The following AGBL1 variants were observed in gnomAD, a reference collection of about 807,000 sequenced individuals.
AGBL1 encodes the protein cytosolic carboxypeptidase 4.
In AGBL1, 130 loss-of-function variants were observed where a neutral mutation model predicts 118.9. The observed-to-expected ratio is 1.09, with a 90% CI of 0.95 to 1.26. The LOEUF (loss-of-function observed/expected upper bound fraction) is 1.26. AGBL1 is among the 50% of genes most tolerant of loss of function. The pLI is 0.00. For missense variants in AGBL1, 1,584 were observed against 1,298.1 expected, an observed-to-expected ratio of 1.22 and a Z score of -3.38; for synonymous variants, 555 against 478.9, an observed-to-expected ratio of 1.16 and a Z score of -2.08.
At chr15:86,749,443 A>G (rs2077812931) in intron 22 of AGBL1, among the ~76,000 whole-genome samples, 1 of 152,106 alleles carries the variant, frequency 6.6e-6, no homozygotes. Context: ...ATATATAATC[A>G]TGTCATCTGC....
intron 22 of AGBL1, among the ~76,000 whole-genome samples, chr15:86,759,675 G>T (rs865839603): frequency 4.6e-5 from 7 of 152,026 alleles, no homozygotes; most frequent in Admixed American, 1.3e-4. Context: ...CATTCATTGA[G>T]AATCTGGATA....
At chr15:86,546,224 T>G (rs1163677291) in intron 20 of AGBL1, 91 bp downstream of exon 20, 4 of 1,286,108 alleles carry the variant, frequency 3.1e-6, no homozygotes, top group Non-Finnish European at 4.0e-6. Context: ...TTATTTAGTT[T>G]TTTTTTTTTT....
chr15:86,905,547 G>A (rs964168003), intron 22 of AGBL1, among the ~76,000 whole-genome samples: 2 of 152,158 alleles, frequency 1.3e-5, no homozygotes, highest in Admixed American at 1.3e-4. Context: ...CAACAGCACA[G>A]CAATGGAATT....
chr15:86,248,120 C>G (rs2078751510), intron 7 of AGBL1, among the ~76,000 whole-genome samples: 1 of 152,180 alleles, frequency 6.6e-6, no homozygotes, highest in Admixed American at 6.5e-5. Context: ...AGTTTGAGAT[C>G]AACCTGACCA....
intron 17 of AGBL1, among the ~76,000 whole-genome samples, chr15:86,345,347 C>T (rs1248972489): frequency 1.3e-5 from 2 of 152,098 alleles, no homozygotes; most frequent in African/African-American, 2.4e-5. Context: ...TTTGTGGCAC[C>T]AATAGTGCAT....
At chr15:86,900,384 A>T (rs2080194209) in intron 22 of AGBL1, among the ~76,000 whole-genome samples, 1 of 152,176 alleles carries the variant, frequency 6.6e-6, no homozygotes, top group Non-Finnish European at 1.5e-5. Flanking sequence ...GATTCCTCAG[A>T]GAGATTTTTG....
chr15:86,982,194 A>G (rs1054010930), intron 23 of AGBL1, among the ~76,000 whole-genome samples: 7 of 152,140 alleles, frequency 4.6e-5, no homozygotes, highest in Non-Finnish European at 8.8e-5. Flanking sequence ...ATTTAATCAT[A>G]TAGTTATATC....
At chr15:87,004,300 A>C (rs557963530) in intron 24 of AGBL1, among the ~76,000 whole-genome samples, 2 of 124,658 alleles carry the variant, frequency 1.6e-5, no homozygotes, top group African/African-American at 8.2e-5. Flanking sequence ...TTAGACTCCC[A>C]CACAATTATA....
At chr15:86,323,488 ATAAC>A (rs1240934505) in intron 17 of AGBL1, among the ~76,000 whole-genome samples, 1 of 152,182 alleles carries the variant, frequency 6.6e-6, no homozygotes, top group African/African-American at 2.4e-5. Flanking sequence ...GTCATGTTAA[ATAAC>A]TAAATATAAA....
intron 1 of AGBL1, among the ~76,000 whole-genome samples, chr15:86,117,436 C>T (rs1260102104): frequency 1.3e-5 from 2 of 152,066 alleles, no homozygotes. Context: ...CTGTAATTTC[C>T]AATTTTCCCT....
chr15:86,921,404 C>T (rs961484565), intron 23 of AGBL1, among the ~76,000 whole-genome samples: 2 of 152,150 alleles, frequency 1.3e-5, no homozygotes, highest in Non-Finnish European at 2.9e-5. Context: ...TCTGAAAAAA[C>T]AACTCAGGGA....
At chr15:86,735,748 G>C (rs2077586459) in intron 22 of AGBL1, among the ~76,000 whole-genome samples, 1 of 151,658 alleles carries the variant, frequency 6.6e-6, no homozygotes, top group African/African-American at 2.4e-5. Context: ...TTTTAAAAAT[G>C]AATAAAATTG....
rs2080927618 is a variant in AGBL1 at position 86,956,103 on chromosome 15, T to C, written c.3222-31884T>C. 3.9e-5 allele frequency among the ~76,000 whole-genome samples: 6 copies of C among 152,078 alleles called. No individual in the cohort carries two copies. In the South Asian group the frequency reaches 1.2e-3, roughly 31 times the overall value. On this transcript the variant is annotated intron_variant, in intron 23 of 24. Transcript: ENST00000441037. Reference sequence around the variant, plus strand: ...GTAGCAAGAAATTATAGACTATTAATGGGTCCATTAACTAGGAAAATATAT... The same window carrying C: ...GTAGCAAGAAATTATAGACTATTAACGGGTCCATTAACTAGGAAAATATAT...
intron 5 of AGBL1, among the ~76,000 whole-genome samples, chr15:86,203,719 C>G (rs2077944288): frequency 6.6e-6 from 1 of 152,168 alleles, no homozygotes; most frequent in Non-Finnish European, 1.5e-5. Context: ...TGACTGGTGA[C>G]TTCCCCTTGC....
chr15:86,667,970 T>G (rs2085676533), intron 21 of AGBL1, among the ~76,000 whole-genome samples: 1 of 152,198 alleles, frequency 6.6e-6, no homozygotes, highest in Non-Finnish European at 1.5e-5. Flanking sequence ...TGGTGAGGCC[T>G]CAGGGAGCTT....
intron 22 of AGBL1, among the ~76,000 whole-genome samples, chr15:86,875,865 C>T (rs1309207091): frequency 3.3e-5 from 5 of 152,122 alleles, no homozygotes. Context: ...GGCTGAGATA[C>T]CACCTCACCT....
intron 22 of AGBL1, among the ~76,000 whole-genome samples, chr15:86,800,103 C>T (rs2078629304): frequency 6.6e-6 from 1 of 151,940 alleles, no homozygotes; most frequent in Non-Finnish European, 1.5e-5. Context: ...TAAGTAATGG[C>T]CACTTTCCCT....
intron 24 of AGBL1, among the ~76,000 whole-genome samples, chr15:87,025,072 G>C (rs2081711726): frequency 6.6e-6 from 1 of 152,018 alleles, no homozygotes; most frequent in Admixed American, 6.6e-5. Flanking sequence ...ACTGGAACAA[G>C]TCAATGATGG....
chr15:86,876,339 A>G (rs1218327107), intron 22 of AGBL1, among the ~76,000 whole-genome samples: 1 of 152,010 alleles, frequency 6.6e-6, no homozygotes, highest in African/African-American at 2.4e-5. Context: ...GGCCTTAGAA[A>G]CCAGAGGCCA....
Sources: gnomAD v4.1 joint callset for allele counts (sites outside exome capture counted in the v4.1 genomes callset) on GRCh38, gnomAD v4.1.1 for gene constraint, MANE v1.5 for transcripts, NCBI Gene and HGNC (gene_info 2026-07-23, HGNC 2026-07-21) for gene names.